Variants in PTPN3 observed in about 807,000 individuals in gnomAD.
PTPN3 encodes protein tyrosine phosphatase non-receptor type 3.
Under a neutral mutation model 132.7 loss-of-function variants are expected in PTPN3, and 96 were observed. The observed-to-expected ratio is 0.72, with a 90% confidence interval of 0.61 to 0.86. PTPN3 has a LOEUF of 0.86. Ranked by LOEUF, PTPN3 falls within the 40% of genes least tolerant of loss-of-function variation. The pLI is 0.00. For synonymous variants in PTPN3, 398 were observed against 429.0 expected (o/e 0.93, Z 0.89); for missense variants, 1,125 against 1,159.6 (o/e 0.97, Z 0.43).
the PTPN3 span, chr9:109,533,767 G>C: frequency 7.5e-7 from 1 of 1,340,600 alleles, no homozygotes; most frequent in Admixed American, 2.2e-5. Flanking sequence ...TTCACCTGCT[G>C]TAGGGCCGGC....
intron 1 of PTPN3, among the ~76,000 whole-genome samples, chr9:109,482,097 A>G (rs1369239394): frequency 1.3e-5 from 2 of 152,268 alleles, no homozygotes; most frequent in Admixed American, 1.3e-4. Flanking sequence ...TAATGCGCGC[A>G]GGGATTACAC....
the PTPN3 span, among the ~76,000 whole-genome samples, chr9:109,523,627 C>T: frequency 1.3e-5 from 2 of 152,254 alleles, no homozygotes; most frequent in African/African-American, 4.8e-5. Context: ...GCTCTTGTTG[C>T]TATGTTGTGT....
chr9:109,497,365 G>A (rs1847715454), intron 1 of PTPN3, among the ~76,000 whole-genome samples: 1 of 152,120 alleles, frequency 6.6e-6, no homozygotes, highest in Non-Finnish European at 1.5e-5. Context: ...CAGCGAGGTG[G>A]GCATTATTAC....
chr9:109,420,527 T>C lies in PTPN3; in HGVS notation c.1210A>G (p.Thr404Ala). ...SSADNLANEM[T>A]YITETEDVFY... ...ACATCTTCCGTTTCCGTGATGTAGGTCATTTCATTTGCAAGGTTATCTGCA... is the reference window on the plus strand; with the variant it reads ...ACATCTTCCGTTTCCGTGATGTAGGCCATTTCATTTGCAAGGTTATCTGCA... The change falls in exon 14 of 26, where the codon ACC becomes GCC. Residue 404 changes from threonine to alanine, a missense_variant. Coordinates refer to ENST00000374541, the MANE Select transcript of PTPN3 (RefSeq NM_002829.4). 1 of 1,613,424 alleles carries C rather than the reference T, an allele frequency of 6.2e-7. No homozygotes were observed. Among genetic ancestry groups the C allele is most frequent in the Non-Finnish European group, 8.5e-7 (1 of 1,179,928 alleles).
intron 18 of PTPN3, among the ~76,000 whole-genome samples, chr9:109,406,252 A>G (rs1464813228): frequency 6.6e-6 from 1 of 152,172 alleles, no homozygotes; most frequent in Non-Finnish European, 1.5e-5. Context: ...GTCTCCCCCC[A>G]GAAGACTGGC....
chr9:109,453,827 T>C (rs1218131769), intron 5 of PTPN3, among the ~76,000 whole-genome samples: 3 of 138,320 alleles, frequency 2.2e-5, no homozygotes, highest in Admixed American at 7.5e-5. Flanking sequence ...CTGGACGACA[T>C]GGAAACCCCA....
At chr9:109,460,873 C>T (rs1845813629) in intron 2 of PTPN3, among the ~76,000 whole-genome samples, 1 of 152,036 alleles carries the variant, frequency 6.6e-6, no homozygotes, top group African/African-American at 2.4e-5. Flanking sequence ...TTTTTTGTAC[C>T]CAGAACAAAG....
At chr9:109,421,738 A>C (rs1842905158) in intron 13 of PTPN3, among the ~76,000 whole-genome samples, 1 of 152,240 alleles carries the variant, frequency 6.6e-6, no homozygotes, top group Non-Finnish European at 1.5e-5. Flanking sequence ...AACACTAAAT[A>C]CTATCACTGT....
rs759429073 is a variant in PTPN3 at position 109,381,714 on chromosome 9, T to C, written c.2602A>G (p.Ile868Val). The C allele has an allele frequency of 6.8e-6, 11 of 1,614,162 alleles. No individual in the cohort carries two copies. Among genetic ancestry groups the C allele is most frequent in the South Asian group, 6.6e-5 (6 of 91,082 alleles). The change falls in exon 25 of 26, where the codon ATT (isoleucine) becomes GTT (valine). Residue 868 changes from isoleucine to valine, a missense_variant. By Grantham distance (29) the Ile-to-Val change is conservative. Coordinates refer to ENST00000374541, the MANE Select transcript of PTPN3 (RefSeq NM_002829.4). ...AMCLTERNLP[I>V]YPLDIVRKMR... ...TTTCGGACAATATCCAGTGGGTAAA[T>C]GGGCAGGTTCCTCTCAGTTAGGCAC...
At chr9:109,525,071 G>C in the PTPN3 span, among the ~76,000 whole-genome samples, 37 of 150,950 alleles carry the variant, frequency 2.5e-4, no homozygotes, top group Middle Eastern at 7.1e-3. Context: ...TTTTTTACAG[G>C]GTATTACTTT....
intron 2 of PTPN3, among the ~76,000 whole-genome samples, chr9:109,462,671 A>G (rs898665017): frequency 6.6e-6 from 1 of 151,866 alleles, no homozygotes; most frequent in East Asian, 2.0e-4. Flanking sequence ...CTGGCCTGGG[A>G]GACTGGAGAC....
chr9:109,396,562 T>C (rs996342630), intron 19 of PTPN3, among the ~76,000 whole-genome samples: 7 of 152,178 alleles, frequency 4.6e-5, no homozygotes, highest in Non-Finnish European at 1.5e-5. Flanking sequence ...AACCACTGAA[T>C]TTTATGAAAA....
chr9:109,415,635 A>C (rs1052237154), intron 14 of PTPN3, among the ~76,000 whole-genome samples: 9 of 152,176 alleles, frequency 5.9e-5, no homozygotes, highest in African/African-American at 2.2e-4. Flanking sequence ...ACTGTGCAAG[A>C]GACGATGGTG....
chr9:109,447,391 G>A (rs1194626958), intron 6 of PTPN3, among the ~76,000 whole-genome samples: 5 of 151,986 alleles, frequency 3.3e-5, no homozygotes, highest in East Asian at 1.9e-4. Context: ...GAGAGGGGTC[G>A]GTAATTTCAA....
intron 1 of PTPN3, among the ~76,000 whole-genome samples, chr9:109,468,721 C>A (rs1307538198): frequency 1.3e-5 from 2 of 152,206 alleles, no homozygotes; most frequent in African/African-American, 2.4e-5. Context: ...AGAGGCAACA[C>A]CTCACTTTGT....
At chr9:109,430,639 G>C (rs1843596768) in intron 10 of PTPN3, among the ~76,000 whole-genome samples, 1 of 152,218 alleles carries the variant, frequency 6.6e-6, no homozygotes, top group Non-Finnish European at 1.5e-5. Flanking sequence ...CCATCCAGAG[G>C]CTTATAATCC....
chr9:109,444,742 T>C (rs59705917), intron 7 of PTPN3, among the ~76,000 whole-genome samples: 7,662 of 152,240 alleles, frequency 0.05, 637 homozygotes, highest in African/African-American at 0.18. Flanking sequence ...ATACAATCCA[T>C]TAGCTATACT....
chr9:109,514,857 A>T, the PTPN3 span, among the ~76,000 whole-genome samples: 1 of 152,190 alleles, frequency 6.6e-6, no homozygotes, highest in Admixed American at 6.5e-5. Flanking sequence ...GGTTAAGCTT[A>T]TATTTCTGCT....
Position 109,393,373 on chromosome 9 carries a change from G to T in PTPN3, c.1954-1812C>A, listed in dbSNP as rs148705248. On this transcript the variant is annotated intron_variant, in intron 19 of 25. Transcript: ENST00000374541. ...ACTATACCAAATAATATTTTTAATG[G>T]TTTTTTTTGTCTTTTTTTTTTTTTT... 7.8e-3 allele frequency among the ~76,000 whole-genome samples: 1,088 copies of T among 139,942 alleles called. 7 individuals carry two copies. Among genetic ancestry groups the T allele is most frequent in the African/African-American group, 0.027 (1,029 of 38,054 alleles). 91.8% of individuals were successfully genotyped at this position (139,942 alleles called of 152,430 possible).
Sources: gnomAD v4.1 joint callset for allele counts (sites outside exome capture counted in the v4.1 genomes callset) on GRCh38, gnomAD v4.1.1 for gene constraint, MANE v1.5 for transcripts, NCBI Gene and HGNC (gene_info 2026-07-23, HGNC 2026-07-21) for gene names.